BARX2: variants seen among roughly 807,000 people sequenced by gnomAD.
BARX2 encodes the protein homeobox protein BarH-like 2.
Under a neutral mutation model 25.5 loss-of-function variants are expected in BARX2, and 11 were observed. That is an observed-to-expected ratio of 0.43 (90% CI 0.27 to 0.71). BARX2 has a LOEUF of 0.71. BARX2 is among the 30% of genes least tolerant of loss of function. The pLI is 0.19. For missense variants in BARX2, 360 were observed against 359.9 expected, an observed-to-expected ratio of 1.00 and a Z score of 0.00; for synonymous variants, 137 against 149.5, an observed-to-expected ratio of 0.92 and a Z score of 0.61.
At chr11:129,384,511 C>G (rs1269485525) in intron 1 of BARX2, among the ~76,000 whole-genome samples, 2 of 152,184 alleles carry the variant, frequency 1.3e-5, no homozygotes, top group East Asian at 3.8e-4. Flanking sequence ...GGATGATGGG[C>G]TTTTCCCAAA....
Position 129,375,916 on chromosome 11 carries a change from GC to G in BARX2, c.-118del. The G allele has an allele frequency of 3.9e-6, 2 of 510,064 alleles. No individual in the cohort carries two copies. The highest frequency in any genetic ancestry group is 5.1e-6 in the Non-Finnish European group (2 of 395,664). The allele number at this position is 510,064 out of a possible 1,614,324, so 31.6% of individuals were successfully genotyped here. On this transcript the variant is annotated 5_prime_UTR_variant, in exon 1 of 4. Coordinates refer to ENST00000281437, the MANE Select transcript of BARX2 (RefSeq NM_003658.5). The surrounding 1 kb of genome is among the most constrained non-coding windows in gnomAD (Gnocchi z 4.0). ...CTCCTCCGCGCGCCACCCGAGCCCCGCCGCCTCCCCAGCTGCCGGGAGCGGG... is the reference window on the plus strand; with the variant it reads ...CTCCTCCGCGCGCCACCCGAGCCCCGCGCCTCCCCAGCTGCCGGGAGCGGG...
chr11:129,434,164 C>A (rs1470077512), intron 1 of BARX2, among the ~76,000 whole-genome samples: 1 of 151,582 alleles, frequency 6.6e-6, no homozygotes, highest in African/African-American at 2.4e-5. Context: ...GATTTTACAT[C>A]ATATTTTTCT....
At chr11:129,441,468 T>A (rs553950206) in intron 2 of BARX2, among the ~76,000 whole-genome samples, 2 of 152,328 alleles carry the variant, frequency 1.3e-5, no homozygotes, top group African/African-American at 2.4e-5. Flanking sequence ...TTATTTATTT[T>A]GACAATGTCT....
rs767301226 is a variant in BARX2 at position 129,376,454 on chromosome 11, G to A, written c.187+232G>A. On this transcript the variant is annotated intron_variant, in intron 1 of 3. Coordinates refer to ENST00000281437, the MANE Select transcript of BARX2 (RefSeq NM_003658.5). This position sits in a 1 kb window ranked among gnomAD's most constrained non-coding sequence, Gnocchi z 4.2. The stretch of plus-strand genomic sequence containing the variant: ...GGCGGCAGGGCCTTAGGAGTGGGCT[G>A]CTCGCGCAACGCCTGATTGTCCTGC... Among the ~76,000 whole-genome samples, 1 of 152,256 alleles carries A rather than the reference G, an allele frequency of 6.6e-6. No individual in the cohort carries two copies. The highest frequency in any genetic ancestry group is 1.5e-5 in the Non-Finnish European group (1 of 68,054).
intron 1 of BARX2, among the ~76,000 whole-genome samples, chr11:129,391,827 C>T (rs1369195989): frequency 2.0e-5 from 3 of 152,178 alleles, no homozygotes; most frequent in Admixed American, 6.5e-5. Flanking sequence ...CAGCCCCGAC[C>T]GGTTTTCCCA....
chr11:129,376,602 T>C lies in BARX2; in HGVS notation c.187+380T>C, dbSNP rs1463159231. On this transcript the variant is annotated intron_variant, in intron 1 of 3. Transcript: ENST00000281437. The surrounding 1 kb of genome is among the most constrained non-coding windows in gnomAD (Gnocchi z 4.2). ...ATTTCAAACTTGAGCTTGGCGGCCT[T>C]GCATCTCACCTTGAGTTAACTTGTC... Among the ~76,000 whole-genome samples the C allele has an allele frequency of 2.0e-5, 3 of 152,244 alleles. No homozygotes were observed. Among genetic ancestry groups the C allele is most frequent in the Non-Finnish European group, 4.4e-5 (3 of 68,040 alleles).
chr11:129,443,055 G>T, intron 3 of BARX2, 136 bp downstream of exon 3: 1 of 721,076 alleles, frequency 1.4e-6, no homozygotes, highest in Non-Finnish European at 2.4e-6. Context: ...CTGGCTTGCG[G>T]GGAAGCTGTT....
rs1862192049 is a variant in BARX2, at chr11:129,436,661, G to T, written c.188-90G>T. On this transcript the variant is annotated intron_variant, in intron 1 of 3. Coordinates refer to ENST00000281437, the MANE Select transcript of BARX2 (RefSeq NM_003658.5). This position sits in a 1 kb window ranked among gnomAD's most constrained non-coding sequence, Gnocchi z 4.5. ...CTTAAGAGCAGGGCCCTCCCTGTCAGACAGACCTCAGCCAGCGGCCCTCCG... is the reference window on the plus strand; with the variant it reads ...CTTAAGAGCAGGGCCCTCCCTGTCATACAGACCTCAGCCAGCGGCCCTCCG... 1.4e-6 allele frequency: 2 copies of T among 1,413,538 alleles called. No homozygotes were observed. Among genetic ancestry groups the T allele is most frequent in the African/African-American group, 1.4e-5 (1 of 69,672 alleles). The allele number at this position is 1,413,538 out of a possible 1,614,324, so 87.6% of individuals were successfully genotyped here.
chr11:129,386,525 A>G (rs1277914570), intron 1 of BARX2, among the ~76,000 whole-genome samples: 1 of 152,182 alleles, frequency 6.6e-6, no homozygotes, highest in Non-Finnish European at 1.5e-5. Context: ...AATATATGGT[A>G]TTGGGGACTG....
At chr11:129,382,923 G>A (rs563569976) in intron 1 of BARX2, among the ~76,000 whole-genome samples, 6 of 152,204 alleles carry the variant, frequency 3.9e-5, no homozygotes, top group Non-Finnish European at 7.3e-5. Context: ...TGCAAAGACT[G>A]CAAGCGTGGA....
chr11:129,434,937 C>T (rs2135410864), intron 1 of BARX2, among the ~76,000 whole-genome samples: 1 of 152,298 alleles, frequency 6.6e-6, no homozygotes, highest in South Asian at 2.1e-4. Flanking sequence ...ACAAAGCCTT[C>T]CTTACAGGTG....
At chr11:129,431,454 CTTGATA>C (rs1198923485) in intron 1 of BARX2, among the ~76,000 whole-genome samples, 2 of 152,086 alleles carry the variant, frequency 1.3e-5, no homozygotes, top group Admixed American at 6.5e-5. Context: ...CTCACCAGCA[CTTGATA>C]TTGTCAGTTC....
chr11:129,415,427 A>T (rs1861934568), intron 1 of BARX2, among the ~76,000 whole-genome samples: 1 of 145,944 alleles, frequency 6.9e-6, no homozygotes, highest in African/African-American at 2.6e-5. Context: ...CTCTTACAGG[A>T]CTATTCTAGG....
chr11:129,413,606 G>A (rs1318624736), intron 1 of BARX2, among the ~76,000 whole-genome samples: 3 of 152,072 alleles, frequency 2.0e-5, no homozygotes, highest in East Asian at 1.9e-4. Flanking sequence ...CTAGGAAACC[G>A]TAAAGGCCGG....
chr11:129,429,032 T>C (rs1862100306), intron 1 of BARX2, among the ~76,000 whole-genome samples: 2 of 151,822 alleles, frequency 1.3e-5, no homozygotes, highest in Non-Finnish European at 2.9e-5. Context: ...TCATGAAGAT[T>C]TTTCATTAGG....
chr11:129,451,500 C>A lies in BARX2; in HGVS notation c.*98C>A. 1 of 1,397,658 alleles carries A rather than the reference C, an allele frequency of 7.2e-7. No homozygotes were observed. Among genetic ancestry groups the A allele is most frequent in the Non-Finnish European group, 9.7e-7 (1 of 1,030,442 alleles). 86.6% of individuals were successfully genotyped at this position (1,397,658 alleles called of 1,614,324 possible). On this transcript the variant is annotated 3_prime_UTR_variant, in exon 4 of 4. Coordinates refer to ENST00000281437, the MANE Select transcript of BARX2 (RefSeq NM_003658.5). ...GAAAACCTTCCAGCAGCCCAGTAAA[C>A]TGCGGGCGAAGAGATCTACCCGTCT...
chr11:129,414,521 C>T (rs907791855), intron 1 of BARX2, among the ~76,000 whole-genome samples: 9 of 151,894 alleles, frequency 5.9e-5, no homozygotes, highest in Admixed American at 2.6e-4. Context: ...ATCTCAAGGC[C>T]GTTCTCTACT....
At chr11:129,410,302 C>T (rs1264253727) in intron 1 of BARX2, among the ~76,000 whole-genome samples, 11 of 152,120 alleles carry the variant, frequency 7.2e-5, no homozygotes, top group Non-Finnish European at 1.5e-5. Flanking sequence ...TTCTTGTTCT[C>T]GAATTGTTTC....
intron 2 of BARX2, among the ~76,000 whole-genome samples, chr11:129,441,637 T>TG (rs56166720): frequency 0.26 from 38,823 of 151,830 alleles, 6,144 homozygotes; most frequent in African/African-American, 0.45. Context: ...TTAGTAGAGA[T>TG]GGGGGTCTCA....
Sources: gnomAD v4.1 joint callset for allele counts (sites outside exome capture counted in the v4.1 genomes callset) on GRCh38, gnomAD v4.1.1 for gene constraint, Gnocchi (gnomAD v3.1) non-coding constraint, MANE v1.5 for transcripts, NCBI Gene and HGNC (gene_info 2026-07-23, HGNC 2026-07-21) for gene names.